The following WWC2 variants were observed in gnomAD, a reference collection of about 807,000 sequenced individuals.
The protein encoded by WWC2 is WW and C2 domain containing 2.
WWC2 carries 101 observed loss-of-function variants against 138.5 expected under a neutral mutation model. The ratio of observed to expected loss-of-function variants is 0.73; its 90% CI spans 0.62 to 0.86. The LOEUF (loss-of-function observed/expected upper bound fraction) is 0.86, where lower values mean the gene tolerates loss of function less well. WWC2 is among the 40% of genes least tolerant of loss of function. The probability of loss-of-function intolerance (pLI) is 0.00; values close to 1 mark genes in which losing one functional copy is unlikely to be tolerated. For missense variants in WWC2, 1,420 were observed against 1,419.4 expected (o/e 1.00, Z -0.01); for synonymous variants, 558 against 538.4 (o/e 1.04, Z -0.50).
intron 5 of WWC2, among the ~76,000 whole-genome samples, chr4:183,242,420 G>T (rs1736650995): frequency 6.6e-6 from 1 of 152,116 alleles, no homozygotes; most frequent in South Asian, 2.1e-4. Context: ...CATTTTACTT[G>T]GTACAATAGT....
chr4:183,309,695 A>C (rs989912359), intron 21 of WWC2, among the ~76,000 whole-genome samples: 3 of 152,250 alleles, frequency 2.0e-5, no homozygotes, highest in African/African-American at 7.2e-5. Context: ...GCAGATTCTT[A>C]CATACAATTC....
At chr4:183,285,920 C>G in intron 19 of WWC2, 47 bp from the exon 20 acceptor site, 1 of 1,517,804 alleles carries the variant, frequency 6.6e-7, no homozygotes, top group Non-Finnish European at 9.0e-7. Flanking sequence ...TCCACTTGCA[C>G]TCTGTTTGAT....
chr4:183,287,491 G>C (rs953415241), intron 20 of WWC2, among the ~76,000 whole-genome samples: 2 of 152,110 alleles, frequency 1.3e-5, no homozygotes, highest in Non-Finnish European at 2.9e-5. Context: ...GTTGAGAAAC[G>C]GTTAGGTTAC....
At chr4:183,140,565 G>A (rs1327101207) in intron 1 of WWC2, among the ~76,000 whole-genome samples, 1 of 152,164 alleles carries the variant, frequency 6.6e-6, no homozygotes, top group African/African-American at 2.4e-5. Flanking sequence ...ACTCACGTGG[G>A]AGTCATGAGT....
chr4:183,303,988 G>A (rs1003876103), intron 21 of WWC2, among the ~76,000 whole-genome samples: 1 of 151,984 alleles, frequency 6.6e-6, no homozygotes, highest in Admixed American at 6.6e-5. Flanking sequence ...TAGAGGGTTT[G>A]TTAGATAATT....
intron 5 of WWC2, among the ~76,000 whole-genome samples, chr4:183,245,096 G>A (rs1054239670): frequency 6.6e-6 from 1 of 151,732 alleles, no homozygotes. Flanking sequence ...GCATCGTGGC[G>A]GGTGCCTGTA....
intron 1 of WWC2, among the ~76,000 whole-genome samples, chr4:183,132,234 C>T (rs546283495): frequency 6.6e-6 from 1 of 152,000 alleles, no homozygotes; most frequent in African/African-American, 2.4e-5. Context: ...GTTTTCCTGC[C>T]ATTCAGTACT....
chr4:183,182,650 T>G (rs554083801), intron 1 of WWC2, among the ~76,000 whole-genome samples: 3 of 3,282 alleles, frequency 9.1e-4, no homozygotes, highest in South Asian at 0.5. Flanking sequence ...AGATAAATTC[T>G]GTTATGTCTG....
intron 8 of WWC2, among the ~76,000 whole-genome samples, chr4:183,252,754 G>C (rs1737017869): frequency 1.3e-5 from 2 of 152,192 alleles, no homozygotes; most frequent in Non-Finnish European, 2.9e-5. Flanking sequence ...TCAGTAAATG[G>C]CTTGTACACC....
At chr4:183,227,004 C>T (rs1328801771) in intron 4 of WWC2, among the ~76,000 whole-genome samples, 2 of 151,962 alleles carry the variant, frequency 1.3e-5, no homozygotes, top group Non-Finnish European at 2.9e-5. Flanking sequence ...TTCTTGGTCT[C>T]ATGGTGACAG....
At chr4:183,293,490 A>G (rs2111084499) in intron 21 of WWC2, among the ~76,000 whole-genome samples, 1 of 152,348 alleles carries the variant, frequency 6.6e-6, no homozygotes, top group Non-Finnish European at 1.5e-5. Flanking sequence ...CACCTTGATA[A>G]AGAATAACTT....
intron 1 of WWC2, among the ~76,000 whole-genome samples, chr4:183,173,755 G>A (rs1734364727): frequency 6.6e-6 from 1 of 152,140 alleles, no homozygotes. Flanking sequence ...TTCATCCAGA[G>A]CCACTTTGGA....
intron 4 of WWC2, among the ~76,000 whole-genome samples, chr4:183,213,999 G>C (rs1348707829): frequency 6.6e-6 from 1 of 151,474 alleles, no homozygotes; most frequent in Non-Finnish European, 1.5e-5. Flanking sequence ...GAAAGTTTTT[G>C]GCTAATTTTT....
At chr4:183,197,234 A>G (rs188579630) in intron 2 of WWC2, among the ~76,000 whole-genome samples, 5 of 152,210 alleles carry the variant, frequency 3.3e-5, no homozygotes, top group African/African-American at 1.2e-4. Context: ...TGTAATGGTA[A>G]TGGTATTCTG....
At chr4:183,290,638 T>G (rs1333732655) in intron 21 of WWC2, among the ~76,000 whole-genome samples, 2 of 152,248 alleles carry the variant, frequency 1.3e-5, no homozygotes, top group Non-Finnish European at 2.9e-5. Flanking sequence ...AGAGTACAAT[T>G]TATATTTTGG....
At chr4:183,304,351 G>C (rs562557319) in intron 21 of WWC2, among the ~76,000 whole-genome samples, 182 of 152,234 alleles carry the variant, frequency 1.2e-3, no homozygotes, top group Non-Finnish European at 2.2e-3. Context: ...AAAAACTGCA[G>C]GAGTACCCAG....
At chr4:183,177,924 C>G (rs540047439) in intron 1 of WWC2, among the ~76,000 whole-genome samples, 123 of 152,280 alleles carry the variant, frequency 8.1e-4, no homozygotes, top group African/African-American at 2.8e-3. Context: ...TGAATTTCTT[C>G]TTCACTTTGG....
intron 1 of WWC2, among the ~76,000 whole-genome samples, chr4:183,146,157 T>TC (rs1400418043): frequency 1.3e-5 from 2 of 152,214 alleles, no homozygotes; most frequent in Non-Finnish European, 1.5e-5. Flanking sequence ...GTGGTCCCAG[T>TC]CCTTTCTCCC....
intron 12 of WWC2, 30 bp downstream of exon 12, chr4:183,265,137 C>T (rs368650981): frequency 1.0e-5 from 16 of 1,582,166 alleles, no homozygotes; most frequent in East Asian, 2.3e-5. Flanking sequence ...GCTTTTAGCT[C>T]CAGCGAATCT....
Sources: allele counts gnomAD v4.1 joint callset (sites outside exome capture counted in the v4.1 genomes callset), GRCh38; gene constraint gnomAD v4.1.1; transcripts MANE v1.5; gene names NCBI Gene and HGNC (gene_info 2026-07-23, HGNC 2026-07-21).